DLG2: variants seen among roughly 807,000 people sequenced by gnomAD.
DLG2 encodes discs large MAGUK scaffold protein 2.
A neutral mutation model predicts 132.5 loss-of-function variants in DLG2; 45 were observed. The ratio of observed to expected loss-of-function variants is 0.34; its 90% CI spans 0.27 to 0.44. The LOEUF is 0.44. DLG2 is among the 20% of genes least tolerant of loss of function. The pLI is 1.00. For missense variants in DLG2, 1,045 were observed against 1,196.9 expected, an observed-to-expected ratio of 0.87 and a Z score of 1.87; for synonymous variants, 424 against 419.6, an observed-to-expected ratio of 1.01 and a Z score of -0.13.
intron 18 of DLG2, among the ~76,000 whole-genome samples, chr11:83,774,725 C>G (rs2094521172): frequency 6.6e-6 from 1 of 152,168 alleles, no homozygotes; most frequent in Non-Finnish European, 1.5e-5. Flanking sequence ...AATGCTCACT[C>G]AAATATGTGT....
intron 8 of DLG2, among the ~76,000 whole-genome samples, chr11:84,187,718 C>T (rs2096306970): frequency 6.6e-6 from 1 of 152,004 alleles, no homozygotes; most frequent in East Asian, 1.9e-4. Context: ...CTGCTTTACA[C>T]CTCTTGTCTG....
intron 7 of DLG2, among the ~76,000 whole-genome samples, chr11:84,255,487 C>T (rs942318056): frequency 3.3e-5 from 5 of 152,124 alleles, no homozygotes; most frequent in Non-Finnish European, 7.3e-5. Context: ...CCACGCCTGG[C>T]TAATTTTTGT....
At chr11:85,325,041 C>T (rs2081355467) in intron 3 of DLG2, among the ~76,000 whole-genome samples, 1 of 141,586 alleles carries the variant, frequency 7.1e-6, no homozygotes, top group Admixed American at 7.0e-5. Flanking sequence ...GTCACTCCCA[C>T]CCGAATATTG....
intron 6 of DLG2, among the ~76,000 whole-genome samples, chr11:84,615,840 A>AAAAAAAAAAAAAAT (rs1565462492): frequency 1.6e-5 from 2 of 126,222 alleles, no homozygotes; most frequent in Non-Finnish European, 3.6e-5. Context: ...AAAAAAAAAA[A>AAAAAAAAAAAAAAT]CTTCATTCCA....
intron 19 of DLG2, among the ~76,000 whole-genome samples, chr11:83,577,685 C>A (rs2096899962): frequency 2.6e-5 from 3 of 115,620 alleles, no homozygotes; most frequent in Non-Finnish European, 3.4e-5. Context: ...TATTTATATC[C>A]TATAATAAAT....
intron 15 of DLG2, among the ~76,000 whole-genome samples, chr11:83,897,476 TA>T (rs1450954568): frequency 2.0e-5 from 3 of 152,232 alleles, no homozygotes; most frequent in Non-Finnish European, 4.4e-5. Context: ...GTGTATTCTA[TA>T]AAAACTCTGA....
chr11:83,568,145 C>T (rs959012914), intron 19 of DLG2, among the ~76,000 whole-genome samples: 2 of 151,928 alleles, frequency 1.3e-5, no homozygotes, highest in Non-Finnish European at 2.9e-5. Context: ...TGCAAGAGGA[C>T]GCAAGTAATG....
At chr11:85,064,358 T>C (rs1245073802) in intron 6 of DLG2, among the ~76,000 whole-genome samples, 1 of 151,818 alleles carries the variant, frequency 6.6e-6, no homozygotes, top group Non-Finnish European at 1.5e-5. Flanking sequence ...TTTGCCTATA[T>C]ATAAAATCAT....
intron 18 of DLG2, among the ~76,000 whole-genome samples, chr11:83,742,545 T>C (rs1349935630): frequency 6.6e-6 from 1 of 152,210 alleles, no homozygotes; most frequent in African/African-American, 2.4e-5. Context: ...TTTCTGGCTG[T>C]GTGATCTTTC....
In DLG2 at chr11:85,361,795, C is replaced by T. The variant is rs139674850; in HGVS notation, c.41-76430G>A. On this transcript the variant is annotated intron_variant, in intron 3 of 27. Transcript: ENST00000376104. ...TCTTTGTGTATTTGGGCTCCTTTTT[C>T]GTTCCTTTTGAATTTGGGGATTGTT... 2.2e-3 allele frequency among the ~76,000 whole-genome samples: 330 copies of T among 152,184 alleles called. 1 individual carries two copies. The highest frequency in any genetic ancestry group is 7.7e-3 in the African/African-American group (319 of 41,526).
chr11:84,976,023 C>T (rs2054847195), intron 6 of DLG2, among the ~76,000 whole-genome samples: 1 of 152,172 alleles, frequency 6.6e-6, no homozygotes, highest in East Asian at 1.9e-4. Context: ...CTCAAATATC[C>T]TGTCTCCAAC....
At chr11:84,567,299 A>T (rs956405828) in intron 6 of DLG2, among the ~76,000 whole-genome samples, 3 of 152,328 alleles carry the variant, frequency 2.0e-5, no homozygotes, top group Admixed American at 2.0e-4. Context: ...GAAAATTCAA[A>T]TTACTGTAGG....
At chr11:84,469,296 C>T (rs2099102497) in intron 7 of DLG2, among the ~76,000 whole-genome samples, 1 of 151,474 alleles carries the variant, frequency 6.6e-6, no homozygotes, top group Admixed American at 6.6e-5. Context: ...ATATGAAATG[C>T]CACAGAAAAT....
At chr11:84,116,176 G>A (rs1484289701) in intron 9 of DLG2, among the ~76,000 whole-genome samples, 3 of 152,150 alleles carry the variant, frequency 2.0e-5, no homozygotes, top group African/African-American at 7.2e-5. Flanking sequence ...TTAAGTGTGT[G>A]ACCTTGGGCT....
chr11:85,000,200 C>T (rs966000537), intron 6 of DLG2, among the ~76,000 whole-genome samples: 1 of 152,048 alleles, frequency 6.6e-6, no homozygotes, highest in Non-Finnish European at 1.5e-5. Flanking sequence ...TATAAGCCTG[C>T]CAATAACTCA....
At chr11:83,997,646 G>A (rs2094114800) in intron 11 of DLG2, among the ~76,000 whole-genome samples, 1 of 134,580 alleles carries the variant, frequency 7.4e-6, no homozygotes, top group South Asian at 2.6e-4. Context: ...GATAAGAATT[G>A]CTTGAACCCA....
intron 19 of DLG2, among the ~76,000 whole-genome samples, chr11:83,594,916 G>C (rs926377445): frequency 1.3e-5 from 2 of 152,282 alleles, no homozygotes; most frequent in African/African-American, 2.4e-5. Context: ...TGAACTAAAA[G>C]GTAGATCTTC....
intron 9 of DLG2, among the ~76,000 whole-genome samples, chr11:84,157,376 T>C (rs377177131): frequency 6.6e-6 from 1 of 152,320 alleles, no homozygotes; most frequent in East Asian, 1.9e-4. Context: ...CATGGGCCCA[T>C]TAACATTTGC....
chr11:83,920,028 C>T (rs1402193882), intron 15 of DLG2, among the ~76,000 whole-genome samples: 2 of 152,174 alleles, frequency 1.3e-5, no homozygotes, highest in Non-Finnish European at 2.9e-5. Context: ...GAAATCTAGT[C>T]TGAATGCTGT....
Sources: allele counts gnomAD v4.1 joint callset (sites outside exome capture counted in the v4.1 genomes callset), GRCh38; gene constraint gnomAD v4.1.1; transcripts MANE v1.5; gene names NCBI Gene and HGNC (gene_info 2026-07-23, HGNC 2026-07-21).